MBD5: variants seen among roughly 807,000 people sequenced by gnomAD.
MBD5 encodes the protein methyl-CpG binding domain protein 5.
MBD5 carries 13 observed loss-of-function variants against 117.3 expected under a neutral mutation model. The observed-to-expected ratio is 0.11, with a 90% CI of 0.07 to 0.18. MBD5 has a LOEUF of 0.18. Ranked by LOEUF, MBD5 falls within the 10% of genes least tolerant of loss-of-function variation. The pLI, the probability that MBD5 is intolerant of heterozygous loss-of-function variation, is 1.00. For synonymous variants in MBD5, 727 were observed against 766.4 expected (o/e 0.95, Z 0.85); for missense variants, 1,879 against 2,093.8 (o/e 0.90, Z 2.00).
chr2:148,043,813 T>C (rs1400099125), intron 1 of MBD5, among the ~76,000 whole-genome samples: 1 of 152,226 alleles, frequency 6.6e-6, no homozygotes, highest in African/African-American at 2.4e-5. Flanking sequence ...TACCTATGAT[T>C]TGCAAAATAA....
chr2:148,481,282 CTATT>C (rs990118436), intron 8 of MBD5, among the ~76,000 whole-genome samples: 3 of 151,986 alleles, frequency 2.0e-5, no homozygotes, highest in African/African-American at 7.2e-5. Context: ...AATACGAAGT[CTATT>C]TATCAGAAAG....
intron 4 of MBD5, among the ~76,000 whole-genome samples, chr2:148,451,016 C>T (rs1384877407): frequency 6.6e-6 from 1 of 152,158 alleles, no homozygotes; most frequent in Admixed American, 6.6e-5. Flanking sequence ...TTTCCTACAT[C>T]ATTATGATCC....
At chr2:148,443,269 G>A (rs1462781128) in intron 4 of MBD5, among the ~76,000 whole-genome samples, 1 of 151,210 alleles carries the variant, frequency 6.6e-6, no homozygotes, top group East Asian at 1.9e-4. Flanking sequence ...ATGGAGAAAA[G>A]GGAACCTTTG....
At chr2:148,239,465 A>G (rs1465001160) in intron 3 of MBD5, among the ~76,000 whole-genome samples, 1 of 152,146 alleles carries the variant, frequency 6.6e-6, no homozygotes, top group Non-Finnish European at 1.5e-5. Context: ...TATATTTATA[A>G]TCATACTTAT....
chr2:148,192,892 AT>A (rs1402939856), intron 2 of MBD5, among the ~76,000 whole-genome samples: 4 of 49,680 alleles, frequency 8.1e-5, no homozygotes, highest in African/African-American at 3.1e-4. Context: ...CCTTAAGCTG[AT>A]AAGCAACTTC....
chr2:148,423,974 C>T lies in MBD5; in HGVS notation c.-556-34229C>T, dbSNP rs112560459. On this transcript the variant is annotated intron_variant, in intron 4 of 13. Transcript: ENST00000642680. ...CAGGCAGATCACGAGGTCAGGAGAT[C>T]GAGACCATCCTGGCTAACACAGTGA... Among the ~76,000 whole-genome samples, 843 of 151,738 alleles carry T rather than the reference C, an allele frequency of 5.6e-3. 7 individuals are homozygous for T. Among genetic ancestry groups the T allele is most frequent in the African/African-American group, 0.02 (814 of 41,438 alleles).
At chr2:148,337,965 G>C (rs2105110645) in intron 3 of MBD5, among the ~76,000 whole-genome samples, 1 of 152,240 alleles carries the variant, frequency 6.6e-6, no homozygotes, top group Admixed American at 6.5e-5. Flanking sequence ...GCAGATGATA[G>C]TTTAGTTATT....
chr2:148,350,847 C>A (rs1322296240), intron 4 of MBD5, among the ~76,000 whole-genome samples: 1 of 151,886 alleles, frequency 6.6e-6, no homozygotes, highest in Non-Finnish European at 1.5e-5. Flanking sequence ...ATATTTAAGT[C>A]TCTTTTATCT....
At chr2:148,086,473 T>C (rs1695794728) in intron 1 of MBD5, among the ~76,000 whole-genome samples, 1 of 152,230 alleles carries the variant, frequency 6.6e-6, no homozygotes, top group African/African-American at 2.4e-5. Context: ...AGGCATAATA[T>C]TAGTTCTATG....
At chr2:148,480,053 A>G (rs1208532804) in intron 8 of MBD5, among the ~76,000 whole-genome samples, 1 of 151,888 alleles carries the variant, frequency 6.6e-6, no homozygotes, top group Non-Finnish European at 1.5e-5. Flanking sequence ...GGTTTTTTTA[A>G]AATTTTTATT....
chr2:148,444,161 T>G (rs949883808), intron 4 of MBD5, among the ~76,000 whole-genome samples: 17 of 151,462 alleles, frequency 1.1e-4, no homozygotes, highest in Non-Finnish European at 2.4e-4. Flanking sequence ...TAAAATAACT[T>G]TAGCATCATA....
chr2:148,153,890 C>T (rs1301020401), intron 1 of MBD5, among the ~76,000 whole-genome samples: 1 of 99,738 alleles, frequency 1.0e-5, no homozygotes, highest in Non-Finnish European at 2.0e-5. Context: ...TTTGAATGTC[C>T]TCCCGTAGCT....
At chr2:148,502,686 C>T (rs1681910685) in intron 12 of MBD5, among the ~76,000 whole-genome samples, 177 bp downstream of exon 12, 1 of 152,184 alleles carries the variant, frequency 6.6e-6, no homozygotes, top group African/African-American at 2.4e-5. Context: ...TGGAAAATAT[C>T]CTCTTAACAT....
chr2:148,114,363 G>A (rs1359053477), intron 1 of MBD5, among the ~76,000 whole-genome samples: 8 of 151,980 alleles, frequency 5.3e-5, no homozygotes, highest in South Asian at 2.1e-4. Flanking sequence ...TCCGCTTCTC[G>A]GGAGGCTGAG....
chr2:148,262,596 A>G (rs945933045), intron 3 of MBD5, among the ~76,000 whole-genome samples: 5 of 152,134 alleles, frequency 3.3e-5, no homozygotes, highest in African/African-American at 1.2e-4. Context: ...GAAAGAAGGG[A>G]AAAAAATTGA....
intron 1 of MBD5, among the ~76,000 whole-genome samples, chr2:148,074,118 C>A (rs1695429142): frequency 6.6e-6 from 1 of 151,942 alleles, no homozygotes; most frequent in Non-Finnish European, 1.5e-5. Context: ...AAACTAATTT[C>A]TCCTCCACTT....
chr2:148,048,178 C>T, intron 1 of MBD5, among the ~76,000 whole-genome samples: 1 of 152,138 alleles, frequency 6.6e-6, no homozygotes, highest in East Asian at 1.9e-4. Flanking sequence ...CTAACTACCT[C>T]CTTCTCATGG....
chr2:148,180,980 A>G (rs916751540), intron 2 of MBD5, among the ~76,000 whole-genome samples: 1 of 152,204 alleles, frequency 6.6e-6, no homozygotes, highest in African/African-American at 2.4e-5. Flanking sequence ...TTTCAAATAA[A>G]TGAAAAGGAA....
chr2:148,313,658 C>T (rs780520215), intron 3 of MBD5, among the ~76,000 whole-genome samples: 1 of 152,172 alleles, frequency 6.6e-6, no homozygotes, highest in Non-Finnish European at 1.5e-5. Context: ...ACGGTTCTGT[C>T]TCATTGGCAT....
Sources: gnomAD v4.1 joint callset for allele counts (sites outside exome capture counted in the v4.1 genomes callset) on GRCh38, gnomAD v4.1.1 for gene constraint, MANE v1.5 for transcripts, NCBI Gene and HGNC (gene_info 2026-07-23, HGNC 2026-07-21) for gene names.